The following MLIP variants were observed in gnomAD, a reference collection of about 807,000 sequenced individuals.
The protein encoded by MLIP is muscular LMNA interacting protein, also known as muscular LMNA-interacting protein.
MLIP carries 79 observed loss-of-function variants against 84.8 expected under a neutral mutation model. That is an observed-to-expected ratio of 0.93 (90% CI 0.78 to 1.12). The LOEUF (loss-of-function observed/expected upper bound fraction) is 1.12, where lower values mean the gene tolerates loss of function less well. Among genes scored for constraint, MLIP ranks in the 50% most tolerant of loss-of-function variants. The pLI is 0.00. For synonymous variants in MLIP, 504 were observed against 463.0 expected (o/e 1.09, Z -1.14); for missense variants, 1,257 against 1,160.6 (o/e 1.08, Z -1.21).
In MLIP at chr6:54,257,376, G is replaced by A. The variant is rs1288054090; in HGVS notation, c.2976+15G>A. ...ATTCCAAAGAGGTAAATGTAAGATA[G>A]GACTGGATATCTAATTATCCATTTC... On this transcript the variant is annotated intron_variant, in intron 13 of 13. Transcript: ENST00000502396. 1.3e-6 allele frequency: 2 copies of A among 1,570,822 alleles called. No homozygotes were observed. Among genetic ancestry groups the A allele is most frequent in the South Asian group, 1.1e-5 (1 of 89,186 alleles).
intron 3 of MLIP, among the ~76,000 whole-genome samples, chr6:54,125,242 TA>T (rs764748665): frequency 6.6e-6 from 1 of 152,134 alleles, no homozygotes; most frequent in Non-Finnish European, 1.5e-5. Context: ...ATTTCAGACG[TA>T]AGAAAGATCT....
chr6:54,209,995 T>TA (rs1396345129), intron 11 of MLIP, among the ~76,000 whole-genome samples: 15 of 150,600 alleles, frequency 1.0e-4, no homozygotes, highest in African/African-American at 1.4e-4. Context: ...TTCTTTGATT[T>TA]AAAAAAATTA....
At chr6:54,068,081 T>TTCCTTCCTTCCTTCCTTCCTTCCC in intron 1 of MLIP, among the ~76,000 whole-genome samples, 2 of 77,948 alleles carry the variant, frequency 2.6e-5, no homozygotes, top group African/African-American at 5.9e-5. Context: ...CCTTCCTTCC[T>TTCCTTCCTTCCTTCCTTCCTTCCC]TCCTTCTTTT....
At chr6:54,201,858 C>A (rs1223006400) in intron 10 of MLIP, among the ~76,000 whole-genome samples, 2 of 152,086 alleles carry the variant, frequency 1.3e-5, no homozygotes, top group Admixed American at 6.5e-5. Context: ...AACATGTTTG[C>A]ATTTTGAATG....
At chr6:54,250,323 C>T (rs76393598) in intron 12 of MLIP, among the ~76,000 whole-genome samples, 4 of 152,004 alleles carry the variant, frequency 2.6e-5, no homozygotes, top group Non-Finnish European at 4.4e-5. Flanking sequence ...GACCTAGAGA[C>T]ACAAATATCT....
intron 10 of MLIP, among the ~76,000 whole-genome samples, chr6:54,197,404 C>A (rs936827677): frequency 6.6e-6 from 1 of 152,054 alleles, no homozygotes; most frequent in Non-Finnish European, 1.5e-5. Context: ...GTTCCTGACA[C>A]AGACTAGATC....
intron 1 of MLIP, among the ~76,000 whole-genome samples, chr6:54,083,798 A>G (rs1767316042): frequency 1.3e-5 from 2 of 152,206 alleles, no homozygotes; most frequent in Non-Finnish European, 2.9e-5. Flanking sequence ...CTGTGGACTA[A>G]TTAGCATGCT....
chr6:54,235,855 T>A (rs1406759810), intron 12 of MLIP, among the ~76,000 whole-genome samples: 1 of 152,148 alleles, frequency 6.6e-6, no homozygotes, highest in East Asian at 1.9e-4. Flanking sequence ...CCTTCTCTTG[T>A]GGTGTTCTCA....
chr6:54,227,071 A>G (rs1015264242), intron 11 of MLIP, among the ~76,000 whole-genome samples: 7 of 152,138 alleles, frequency 4.6e-5, no homozygotes, highest in South Asian at 2.1e-4. Flanking sequence ...TGCTGTTGTC[A>G]TGACAGTGAG....
chr6:54,248,163 G>C (rs543377834), intron 12 of MLIP, among the ~76,000 whole-genome samples: 1 of 152,090 alleles, frequency 6.6e-6, no homozygotes, highest in East Asian at 1.9e-4. Flanking sequence ...ATAATCTATA[G>C]AAGATAAAAA....
chr6:54,192,296 C>G (rs886966489), intron 10 of MLIP, among the ~76,000 whole-genome samples: 3 of 151,602 alleles, frequency 2.0e-5, no homozygotes, highest in Admixed American at 2.0e-4. Flanking sequence ...GTAAGCATAT[C>G]ACATTAAAAA....
At chr6:54,036,145 A>G (rs1457396045) in intron 1 of MLIP, among the ~76,000 whole-genome samples, 6 of 151,992 alleles carry the variant, frequency 3.9e-5, no homozygotes, top group Non-Finnish European at 8.8e-5. Flanking sequence ...TGAAATGAAG[A>G]TAATAATACT....
intron 9 of MLIP, 92 bp downstream of exon 9, chr6:54,169,664 A>T: frequency 2.6e-6 from 2 of 768,852 alleles, no homozygotes; most frequent in South Asian, 6.2e-5. Context: ...TTTAAATAGA[A>T]TTAATTGTTT....
intron 12 of MLIP, among the ~76,000 whole-genome samples, chr6:54,238,989 A>G (rs1781544065): frequency 6.6e-6 from 1 of 152,178 alleles, no homozygotes; most frequent in African/African-American, 2.4e-5. Flanking sequence ...ATTTCTTCAC[A>G]TGTACTATGG....
At chr6:54,083,099 AT>A (rs1034134509) in intron 1 of MLIP, among the ~76,000 whole-genome samples, 6 of 152,114 alleles carry the variant, frequency 3.9e-5, no homozygotes, top group African/African-American at 1.2e-4. Flanking sequence ...GTACCAGTTA[AT>A]TTAATGTAGA....
chr6:54,203,198 A>G (rs1778810358), intron 11 of MLIP, among the ~76,000 whole-genome samples: 1 of 152,228 alleles, frequency 6.6e-6, no homozygotes, highest in Non-Finnish European at 1.5e-5. Context: ...TTTATGCAAT[A>G]TAAAACTTCA....
At chr6:54,129,516 A>T (rs1410630496) in intron 3 of MLIP, among the ~76,000 whole-genome samples, 1 of 152,192 alleles carries the variant, frequency 6.6e-6, no homozygotes, top group Non-Finnish European at 1.5e-5. Flanking sequence ...AGCTGAAAGA[A>T]AATGATAATA....
At position 54,100,816 on chromosome 6, in the gene MLIP, TTGG is replaced by T. The variant is rs370692620; in HGVS notation, c.64-20630_64-20628del. Among the ~76,000 whole-genome samples, 236 of 152,224 alleles carry T rather than the reference TTGG, an allele frequency of 1.6e-3. 2 individuals are homozygous for T. The highest frequency in any genetic ancestry group is 5.5e-3 in the African/African-American group (230 of 41,552). On this transcript the variant is annotated intron_variant, in intron 1 of 12. Transcript: ENST00000274897. ...TTGCCTTCATGGATGATTGCATGTG[TTGG>T]GCCCCAGCACACCTCCCAGACTGTG...
intron 1 of MLIP, among the ~76,000 whole-genome samples, chr6:54,069,705 G>A (rs1195326751): frequency 1.0e-5 from 1 of 97,948 alleles, no homozygotes; most frequent in African/African-American, 2.6e-5. Flanking sequence ...GAATATTTTT[G>A]ATCTGTAGTT....
Sources: allele counts gnomAD v4.1 joint callset (sites outside exome capture counted in the v4.1 genomes callset), GRCh38; gene constraint gnomAD v4.1.1; transcripts MANE v1.5; gene names NCBI Gene and HGNC (gene_info 2026-07-23, HGNC 2026-07-21).